Variants in CALD1 observed in about 807,000 individuals in gnomAD.
CALD1 encodes caldesmon.
CALD1 carries 33 observed loss-of-function variants against 99.9 expected under a neutral mutation model. The observed-to-expected ratio is 0.33, with a 90% confidence interval of 0.25 to 0.44. The LOEUF (loss-of-function observed/expected upper bound fraction) is 0.44. Ranked by LOEUF, CALD1 falls within the 20% of genes least tolerant of loss-of-function variation. CALD1 has a pLI of 1.00. For synonymous variants in CALD1, 310 were observed against 325.0 expected, an observed-to-expected ratio of 0.95 and a Z score of 0.50; for missense variants, 861 against 962.1, an observed-to-expected ratio of 0.89 and a Z score of 1.39.
At chr7:134,719,304 A>G in the CALD1 span, among the ~76,000 whole-genome samples, 1 of 152,172 alleles carries the variant, frequency 6.6e-6, no homozygotes, top group Non-Finnish European at 1.5e-5. Flanking sequence ...AGGAGAGACA[A>G]AAAGGGATAA....
chr7:134,909,048 T>A (rs1483730594), intron 3 of CALD1, among the ~76,000 whole-genome samples: 1 of 152,198 alleles, frequency 6.6e-6, no homozygotes, highest in South Asian at 2.1e-4. Context: ...TGAGATTTTT[T>A]ATATTTTCTC....
intron 1 of CALD1, among the ~76,000 whole-genome samples, chr7:134,748,263 T>A (rs1796653030): frequency 6.6e-6 from 1 of 152,272 alleles, no homozygotes; most frequent in Non-Finnish European, 1.5e-5. Flanking sequence ...ATTTTAAAGG[T>A]TCACAGCTCA....
At position 134,841,387 on chromosome 7, in the gene CALD1, ATATTT is replaced by A. The variant is rs541307730; in HGVS notation, c.-129-2489_-129-2485del. Among the ~76,000 whole-genome samples, 9 of 152,286 alleles carry A rather than the reference ATATTT, an allele frequency of 5.9e-5. No homozygotes were observed. The South Asian group carries it at 1.9e-3, about 32-fold the overall frequency. ...CTAAAACCCATCGATCTATTTTTAA[ATATTT>A]TATTTTAATTTCCATCCCCACAAAT... On this transcript the variant is annotated intron_variant, in intron 1 of 14. Transcript: ENST00000361675.
intron 1 of CALD1, among the ~76,000 whole-genome samples, chr7:134,747,566 C>T (rs1382817226): frequency 6.6e-6 from 1 of 152,158 alleles, no homozygotes; most frequent in Non-Finnish European, 1.5e-5. Flanking sequence ...GCTGCCCTTC[C>T]CATCATAGGT....
intron 2 of CALD1, among the ~76,000 whole-genome samples, chr7:134,857,080 T>C (rs984996353): frequency 1.3e-5 from 2 of 149,698 alleles, no homozygotes; most frequent in Admixed American, 6.7e-5. Context: ...AGTGCTCCAA[T>C]AGAAATACAA....
chr7:134,920,496 G>C (rs1804533728), intron 3 of CALD1: 1 of 1,119,092 alleles, frequency 8.9e-7, no homozygotes, highest in African/African-American at 1.7e-5. Flanking sequence ...GAGGCTGTGA[G>C]CCCCAGGCAT....
At chr7:134,813,871 A>G (rs1798454307) in intron 1 of CALD1, among the ~76,000 whole-genome samples, 1 of 152,136 alleles carries the variant, frequency 6.6e-6, no homozygotes, top group Non-Finnish European at 1.5e-5. Context: ...AGAGTGATGA[A>G]TCAGGGGATG....
In CALD1 at chr7:134,867,816, G is replaced by C. The variant is rs1800871216; in HGVS notation, c.71+12G>C. The C allele has an allele frequency of 6.4e-7, 1 of 1,568,270 alleles. No homozygotes were observed. The highest frequency in any genetic ancestry group is 8.7e-7 in the Non-Finnish European group (1 of 1,143,584). On this transcript the variant is annotated intron_variant, in intron 3 of 14. Transcript: ENST00000361675. ...CTCGAAGCAGAAAGGTAAGGATCTAGGGTGAAAAATACTTGTATTCCCTTA... is the reference window on the plus strand; with the variant it reads ...CTCGAAGCAGAAAGGTAAGGATCTACGGTGAAAAATACTTGTATTCCCTTA...
chr7:134,772,515 C>A (rs1188456476), intron 1 of CALD1, among the ~76,000 whole-genome samples: 1 of 152,168 alleles, frequency 6.6e-6, no homozygotes, highest in African/African-American at 2.4e-5. Context: ...GAAGGTTTGG[C>A]TCTCCTCCCC....
At chr7:134,965,225 A>C in intron 13 of CALD1, 81 bp from the exon 14 acceptor site, 1 of 771,082 alleles carries the variant, frequency 1.3e-6, no homozygotes, top group Non-Finnish European at 2.4e-6. Context: ...CAAATAAACA[A>C]TAGATGTGGC....
chr7:134,737,745 T>C, the CALD1 span, among the ~76,000 whole-genome samples: 110,724 of 152,024 alleles, frequency 0.73, 41,773 homozygotes, highest in East Asian at 0.99. Flanking sequence ...GCTCATTTCG[T>C]GTGGGCTTGC....
chr7:134,916,879 G>A (rs1242883243), intron 3 of CALD1, among the ~76,000 whole-genome samples: 1 of 152,192 alleles, frequency 6.6e-6, no homozygotes. Context: ...CTAAATATAA[G>A]ACTTATCTAA....
chr7:134,762,341 T>C (rs1260641371), intron 1 of CALD1, among the ~76,000 whole-genome samples: 1 of 152,218 alleles, frequency 6.6e-6, no homozygotes, highest in Non-Finnish European at 1.5e-5. Context: ...CTAGATAATG[T>C]AGAATGGTCT....
At chr7:134,915,687 C>A (rs1169432749) in intron 3 of CALD1, among the ~76,000 whole-genome samples, 1 of 152,220 alleles carries the variant, frequency 6.6e-6, no homozygotes, top group Non-Finnish European at 1.5e-5. Context: ...TCAATTTGCA[C>A]ACACAAATGT....
At chr7:134,742,396 G>A (rs570298654), upstream of CALD1, among the ~76,000 whole-genome samples, 1 of 152,348 alleles carries the variant, frequency 6.6e-6, no homozygotes, top group South Asian at 2.1e-4. Context: ...TGGTTGGGAT[G>A]GGGGAGCATG....
chr7:134,871,674 T>C (rs929435996), intron 3 of CALD1, among the ~76,000 whole-genome samples: 1 of 152,222 alleles, frequency 6.6e-6, no homozygotes, highest in Non-Finnish European at 1.5e-5. Flanking sequence ...TGGGGTATAC[T>C]ACAGAGAAGA....
intron 1 of CALD1, among the ~76,000 whole-genome samples, chr7:134,759,369 T>C (rs1026275): frequency 0.66 from 100,354 of 152,016 alleles, 33,665 homozygotes; most frequent in East Asian, 0.99. Flanking sequence ...AAGTTCACTG[T>C]GTGGGGGCTA....
At chr7:134,774,946 G>C (rs1267695624), upstream of CALD1, among the ~76,000 whole-genome samples, 10 of 152,068 alleles carry the variant, frequency 6.6e-5, no homozygotes, top group Non-Finnish European at 1.2e-4. Flanking sequence ...GTTCTTATGT[G>C]ATCTGCCGTG....
At chr7:134,895,094 GAAAT>G (rs199802906) in intron 3 of CALD1, among the ~76,000 whole-genome samples, 45,453 of 142,796 alleles carry the variant, frequency 0.32, 7,715 homozygotes, top group African/African-American at 0.43. Flanking sequence ...ACAGTGCTGG[GAAAT>G]AAATAAATAA....
Sources: allele counts gnomAD v4.1 joint callset (sites outside exome capture counted in the v4.1 genomes callset), GRCh38; gene constraint gnomAD v4.1.1; transcripts MANE v1.5; gene names NCBI Gene and HGNC (gene_info 2026-07-23, HGNC 2026-07-21).